CINP: variants seen among roughly 807,000 people sequenced by gnomAD.
CINP encodes the protein cyclin dependent kinase 2 interacting protein, also known as cyclin-dependent kinase 2-interacting protein.
A neutral mutation model predicts 20.5 loss-of-function variants in CINP; 11 were observed. The ratio of observed to expected loss-of-function variants is 0.54; its 90% CI spans 0.34 to 0.89. The LOEUF (loss-of-function observed/expected upper bound fraction) is 0.89, where lower values mean the gene tolerates loss of function less well. Ranked by LOEUF, CINP falls within the 40% of genes least tolerant of loss-of-function variation. The pLI, the probability that CINP is intolerant of heterozygous loss-of-function variation, is 0.02. For synonymous variants in CINP, 108 were observed against 102.1 expected (o/e 1.06, Z -0.35); for missense variants, 213 against 251.0 (o/e 0.85, Z 1.02).
chr14:102,355,739 C>T, intron 3 of CINP, 29 bp downstream of exon 3: 1 of 1,611,012 alleles, frequency 6.2e-7, no homozygotes, highest in Non-Finnish European at 8.5e-7. Flanking sequence ...TGACAGTGAC[C>T]ACAAGTGGCC....
Position 102,354,942 on chromosome 14 carries a change from G to A in CINP, c.306+826C>T, listed in dbSNP as rs544447932. The stretch of plus-strand genomic sequence containing the variant: ...AAAATTAGCTCATGTGGTGGCACGA[G>A]CCTGTAATCCCAGCTACCTGGGAGG... On this transcript the variant is annotated intron_variant, in intron 3 of 4. Transcript: ENST00000216756. 7.3e-5 allele frequency among the ~76,000 whole-genome samples: 11 copies of A among 151,552 alleles called. No homozygotes were observed. The East Asian group carries it at 2.1e-3, about 30-fold the overall frequency.
Position 102,348,528 on chromosome 14 carries a change from G to A in CINP, c.*29C>T, listed in dbSNP as rs771267047. 3.2e-6 allele frequency: 5 copies of A among 1,585,534 alleles called. No individual in the cohort carries two copies. In the Admixed American group the frequency reaches 6.9e-5, roughly 22 times the overall value. The stretch of plus-strand genomic sequence containing the variant: ...CTGTCTGCCTGGTGAGACGTGGAAG[G>A]AGCCAGTGTCCGCAGCCGTCTCAGG... On this transcript the variant is annotated 3_prime_UTR_variant, in exon 5 of 5. Transcript: ENST00000216756.
chr14:102,353,665 C>A (rs1886925000), intron 3 of CINP, among the ~76,000 whole-genome samples: 1 of 152,146 alleles, frequency 6.6e-6, no homozygotes, highest in Non-Finnish European at 1.5e-5. Flanking sequence ...AAATACCTGA[C>A]CAGTATCCCT....
chr14:102,356,185 C>T (rs754793072), intron 2 of CINP, among the ~76,000 whole-genome samples: 1 of 152,186 alleles, frequency 6.6e-6, no homozygotes, highest in East Asian at 1.9e-4. Context: ...GGGATGGACG[C>T]GGGAGGACTG....
In CINP at chr14:102,362,870, TAGA is replaced by T. The variant is rs760826497; in HGVS notation, c.-22_-20del. Reference sequence around the variant, plus strand: ...CTTCCATAAGGTCCACAGATATCCGTAGAAGGAGACGCGAAGCCCCGCCCACCC... The same window carrying T: ...CTTCCATAAGGTCCACAGATATCCGTAGGAGACGCGAAGCCCCGCCCACCC... On this transcript the variant is annotated 5_prime_UTR_variant, in exon 1 of 5. Transcript: ENST00000216756. 123 of 1,613,992 alleles carry T rather than the reference TAGA, an allele frequency of 7.6e-5. 2 individuals are homozygous for T. Among genetic ancestry groups the T allele is most frequent in the South Asian group, 6.4e-4 (58 of 91,056 alleles).
intron 3 of CINP, chr14:102,352,429 C>T (rs1886888877): frequency 6.7e-6 from 3 of 450,124 alleles, no homozygotes; most frequent in South Asian, 1.6e-5. Flanking sequence ...ATTTCAACAT[C>T]GGTGGCTTCT....
chr14:102,352,634 C>T (rs943030948), intron 3 of CINP: 1 of 432,812 alleles, frequency 2.3e-6, no homozygotes, highest in African/African-American at 2.1e-5. Flanking sequence ...AGAATGAGAA[C>T]TTATTCCCAA....
chr14:102,348,545 C>T lies in CINP; in HGVS notation c.*12G>A, dbSNP rs911581863. The stretch of plus-strand genomic sequence containing the variant: ...CGTGGAAGGAGCCAGTGTCCGCAGC[C>T]GTCTCAGGACGTCAGAGAGCTCGGT... On this transcript the variant is annotated 3_prime_UTR_variant, in exon 5 of 5. Transcript: ENST00000216756. 7.5e-6 allele frequency: 12 copies of T among 1,603,896 alleles called. No individual in the cohort carries two copies. Among genetic ancestry groups the T allele is most frequent in the South Asian group, 2.2e-5 (2 of 89,950 alleles).
chr14:102,361,579 T>G (rs549893202), intron 1 of CINP, among the ~76,000 whole-genome samples: 27 of 152,330 alleles, frequency 1.8e-4, no homozygotes, highest in Admixed American at 1.6e-3. Flanking sequence ...AGGCGGAACT[T>G]GCAGTGAGCC....
intron 3 of CINP, among the ~76,000 whole-genome samples, chr14:102,354,409 T>C: frequency 6.6e-6 from 1 of 152,130 alleles, no homozygotes; most frequent in South Asian, 2.1e-4. Flanking sequence ...AAAAGGACAA[T>C]AGTGATTGTG....
chr14:102,355,947 C>T, intron 2 of CINP, 50 bp from the exon 3 acceptor site: 5 of 1,576,338 alleles, frequency 3.2e-6, no homozygotes, highest in East Asian at 2.3e-5. Flanking sequence ...TTAAGCTTGC[C>T]TTATTTCCTT....
chr14:102,350,123 C>A, intron 3 of CINP, 75 bp from the exon 4 acceptor site: 1 of 1,376,814 alleles, frequency 7.3e-7, no homozygotes, highest in Non-Finnish European at 1.0e-6. Context: ...TCTAAGATTT[C>A]AAAGCTAAGA....
In CINP at chr14:102,351,357, G is replaced by A. The variant is rs182447327; in HGVS notation, c.307-1309C>T. Among the ~76,000 whole-genome samples, 1 of 152,242 alleles carries A rather than the reference G, an allele frequency of 6.6e-6. No homozygotes were observed. Among genetic ancestry groups the A allele is most frequent in the Admixed American group, 6.5e-5 (1 of 15,278 alleles). On this transcript the variant is annotated intron_variant, in intron 3 of 4. Coordinates refer to ENST00000216756, the MANE Select transcript of CINP (RefSeq NM_032630.3). The surrounding 1 kb of genome is among the most constrained non-coding windows in gnomAD (Gnocchi z 4.2). Reference sequence around the variant, plus strand: ...AAACCAACCCCACTGCACACACCAGGCAGCACAGAATAGGGGCAATGGCGG... The same window carrying A: ...AAACCAACCCCACTGCACACACCAGACAGCACAGAATAGGGGCAATGGCGG...
rs371734524 is a variant in CINP at position 102,350,036 on chromosome 14, C to T, written c.319G>A (p.Val107Met). The change falls in exon 4 of 5, where the codon GTG becomes ATG. Residue 107 changes from valine to methionine, a missense_variant. Val to Met is a conservative substitution (Grantham distance 21, BLOSUM62 1). Transcript: ENST00000216756. ...GTTGAAGACAGCTTTTCCATTTTCA[C>T]CTGTATTTTGGTCTGAAAGATATCC... ...ATLDGLTKIQ[V>M]KMEKLSSTTK... 1.5e-5 allele frequency: 24 copies of T among 1,612,410 alleles called. No homozygotes were observed. In the African/African-American group the frequency reaches 2.8e-4, roughly 19 times the overall value.
chr14:102,361,273 T>C (rs1485629418), intron 1 of CINP, among the ~76,000 whole-genome samples: 1 of 152,024 alleles, frequency 6.6e-6, no homozygotes, highest in Non-Finnish European at 1.5e-5. Flanking sequence ...AAAACCAGTG[T>C]GCTGGAATGA....
Position 102,351,659 on chromosome 14 carries a change from T to C in CINP, c.307-1611A>G, listed in dbSNP as rs1014272084. Among the ~76,000 whole-genome samples the C allele has an allele frequency of 2.6e-5, 4 of 152,216 alleles. No homozygotes were observed. The highest frequency in any genetic ancestry group is 2.1e-4 in the South Asian group (1 of 4,834). ...TCCTTCCAACCACCCTCCAATTACA[T>C]TGGAAGTGGCAAGCACTAAATTCAG... is the stretch of plus-strand genomic sequence containing the variant. On this transcript the variant is annotated intron_variant, in intron 3 of 4. Coordinates refer to ENST00000216756, the MANE Select transcript of CINP (RefSeq NM_032630.3). The surrounding 1 kb of genome is among the most constrained non-coding windows in gnomAD (Gnocchi z 4.2).
At chr14:102,358,924 A>T (rs1369685183) in intron 2 of CINP, among the ~76,000 whole-genome samples, 1 of 152,064 alleles carries the variant, frequency 6.6e-6, no homozygotes, top group Non-Finnish European at 1.5e-5. Context: ...TGGTTTTAAA[A>T]ATCAGAATAG....
intron 3 of CINP, among the ~76,000 whole-genome samples, chr14:102,350,982 C>T (rs1886855814): frequency 1.3e-5 from 2 of 152,084 alleles, no homozygotes; most frequent in South Asian, 2.1e-4. Flanking sequence ...TGTGCCACCA[C>T]GCCCAGCTAA....
intron 2 of CINP, among the ~76,000 whole-genome samples, chr14:102,359,129 C>T (rs185829400): frequency 3.1e-4 from 47 of 150,318 alleles, no homozygotes; most frequent in Admixed American, 2.9e-3. Flanking sequence ...TGAACCCAGG[C>T]GGTAGAGGTT....
Sources: allele counts gnomAD v4.1 joint callset (sites outside exome capture counted in the v4.1 genomes callset), GRCh38; gene constraint gnomAD v4.1.1; non-coding constraint Gnocchi (gnomAD v3.1); transcripts MANE v1.5; gene names NCBI Gene and HGNC (gene_info 2026-07-23, HGNC 2026-07-21).